ATP8B4: variants seen among roughly 807,000 people sequenced by gnomAD.
ATP8B4 encodes the protein probable phospholipid-transporting ATPase IM.
A neutral mutation model predicts 145.6 loss-of-function variants in ATP8B4; 133 were observed. That is an observed-to-expected ratio of 0.91 (90% CI 0.79 to 1.05). ATP8B4 has a LOEUF of 1.05. ATP8B4 is among the 50% of genes least tolerant of loss of function. The pLI is 0.00. For synonymous variants in ATP8B4, 507 were observed against 492.9 expected, an observed-to-expected ratio of 1.03 and a Z score of -0.38; for missense variants, 1,458 against 1,425.2, an observed-to-expected ratio of 1.02 and a Z score of -0.37.
intron 3 of ATP8B4, among the ~76,000 whole-genome samples, chr15:50,066,797 G>T (rs1396982212): frequency 2.6e-5 from 4 of 151,826 alleles, no homozygotes; most frequent in African/African-American, 9.7e-5. Flanking sequence ...TTTACAGTTT[G>T]TGGGGTTTTT....
intron 3 of ATP8B4, among the ~76,000 whole-genome samples, chr15:50,062,845 T>C (rs540956304): frequency 6.6e-6 from 1 of 152,288 alleles, no homozygotes; most frequent in Admixed American, 6.5e-5. Flanking sequence ...CTGCAAAGCA[T>C]TGCAAAGAAG....
chr15:49,987,346 G>A (rs748203900), intron 10 of ATP8B4, 45 bp downstream of exon 10: 3 of 1,590,768 alleles, frequency 1.9e-6, no homozygotes, highest in Non-Finnish European at 1.7e-6. Flanking sequence ...GGTGTACGTT[G>A]CAGGAAAGGT....
intron 23 of ATP8B4, among the ~76,000 whole-genome samples, chr15:49,888,683 T>C (rs537855673): frequency 1.3e-5 from 2 of 152,322 alleles, no homozygotes; most frequent in East Asian, 3.9e-4. Context: ...CCACAGTGGA[T>C]GCCACAAAAC....
intron 4 of ATP8B4, among the ~76,000 whole-genome samples, chr15:50,045,422 G>C (rs139179243): frequency 6.6e-6 from 1 of 152,120 alleles, no homozygotes; most frequent in African/African-American, 2.4e-5. Flanking sequence ...CCACATAAGA[G>C]AGACATAGTG....
At chr15:50,171,762 C>T (rs2044677674) in intron 1 of ATP8B4, among the ~76,000 whole-genome samples, 1 of 151,760 alleles carries the variant, frequency 6.6e-6, no homozygotes, top group African/African-American at 2.4e-5. Context: ...ACAAAGAATA[C>T]ATGAAACAAA....
chr15:50,124,416 A>G (rs2057293969), intron 1 of ATP8B4, among the ~76,000 whole-genome samples: 1 of 152,162 alleles, frequency 6.6e-6, no homozygotes, highest in Non-Finnish European at 1.5e-5. Context: ...TTTACTTATT[A>G]CTCAACTAAC....
At chr15:49,963,849 A>C (rs146326540) in intron 13 of ATP8B4, among the ~76,000 whole-genome samples, 105 of 152,216 alleles carry the variant, frequency 6.9e-4, no homozygotes, top group South Asian at 1.2e-3. Flanking sequence ...ACCATGGCAC[A>C]CGTTTACCTA....
At chr15:49,873,290 T>C (rs1043788677) in intron 25 of ATP8B4, among the ~76,000 whole-genome samples, 1 of 152,180 alleles carries the variant, frequency 6.6e-6, no homozygotes, top group African/African-American at 2.4e-5. Context: ...TTTAAGGAGA[T>C]AACCTTAGAA....
intron 3 of ATP8B4, among the ~76,000 whole-genome samples, chr15:50,052,949 T>A (rs2052304679): frequency 6.6e-6 from 1 of 152,196 alleles, no homozygotes. Context: ...TTGAGATTTT[T>A]ATTTTAAAAT....
chr15:49,924,168 C>G (rs2153458082), intron 16 of ATP8B4, among the ~76,000 whole-genome samples: 1 of 152,128 alleles, frequency 6.6e-6, no homozygotes, highest in Admixed American at 6.5e-5. Context: ...ACTGACAGCC[C>G]TTCCTAGGCT....
In ATP8B4 at chr15:49,897,272, A is replaced by C; in HGVS notation, c.2697+20T>G. On this transcript the variant is annotated intron_variant, in intron 23 of 27. Coordinates refer to ENST00000284509, the MANE Select transcript of ATP8B4 (RefSeq NM_024837.4). ...AAAACAAACAAACAAACAAACAAAA[A>C]AAAACATGCTTTTACCAACCTGGGC... The C allele has an allele frequency of 6.4e-7, 1 of 1,572,990 alleles. No individual in the cohort carries two copies. Among genetic ancestry groups the C allele is most frequent in the Non-Finnish European group, 8.7e-7 (1 of 1,149,166 alleles).
chr15:49,860,191 G>A lies in ATP8B4; in HGVS notation c.*3C>T, dbSNP rs755440734. ...TAACTACGTGGTTTAAATTCATATT[G>A]ACTCACAGTTTCACTGTTTTATCCT... On this transcript the variant is annotated 3_prime_UTR_variant, in exon 28 of 28. Coordinates refer to ENST00000284509, the MANE Select transcript of ATP8B4 (RefSeq NM_024837.4). The A allele has an allele frequency of 2.5e-6, 4 of 1,605,266 alleles. No individual in the cohort carries two copies. The highest frequency in any genetic ancestry group is 3.4e-6 in the Non-Finnish European group (4 of 1,175,760).
intron 7 of ATP8B4, among the ~76,000 whole-genome samples, chr15:50,005,052 TCACAAGTGGGCCAGGATA>T (rs1467202453): frequency 1.3e-5 from 2 of 152,082 alleles, no homozygotes; most frequent in Non-Finnish European, 2.9e-5. Flanking sequence ...ATATCCAAAC[TCACAAGTGGGCCAGGATA>T]TCATTAATTC....
chr15:50,067,197 C>A (rs1438515775), intron 3 of ATP8B4, among the ~76,000 whole-genome samples: 1 of 152,252 alleles, frequency 6.6e-6, no homozygotes, highest in African/African-American at 2.4e-5. Context: ...CCACCACACC[C>A]AACTTACGTT....
intron 7 of ATP8B4, among the ~76,000 whole-genome samples, chr15:50,007,399 G>T (rs2048386271): frequency 6.6e-6 from 1 of 152,196 alleles, no homozygotes; most frequent in African/African-American, 2.4e-5. Flanking sequence ...GTGGTTAGAA[G>T]TGGAGGCACT....
In ATP8B4 at chr15:49,897,360, A is replaced by G; in HGVS notation, c.2629T>C (p.Phe877Leu). The G allele has an allele frequency of 6.2e-7, 1 of 1,613,970 alleles. No individual in the cohort carries two copies. The highest frequency in any genetic ancestry group is 8.5e-7 in the Non-Finnish European group (1 of 1,179,906). ...FRMCKFLCYF[F>L]YKNFAFTLVH... ...AGTGTAAATGCAAAATTCTTATAGA[A>G]GAAATAGCATAAGAATTTGCACATT... Residue 877 changes from phenylalanine to leucine, a missense_variant, in exon 23 of 28, where the codon TTC (phenylalanine) becomes CTC (leucine). Phe to Leu is a conservative substitution (Grantham distance 22). Coordinates refer to ENST00000284509, the MANE Select transcript of ATP8B4 (RefSeq NM_024837.4).
intron 1 of ATP8B4, among the ~76,000 whole-genome samples, chr15:50,166,857 G>T (rs1240494174): frequency 1.3e-5 from 2 of 152,166 alleles, no homozygotes; most frequent in Non-Finnish European, 1.5e-5. Flanking sequence ...GGGGTTGGGG[G>T]TTGGAATGTT....
In ATP8B4 at chr15:50,137,537, T is replaced by C. The variant is rs190605029; in HGVS notation, c.-42-30529A>G. Among the ~76,000 whole-genome samples, 364 of 152,314 alleles carry C rather than the reference T, an allele frequency of 2.4e-3. 1 individual carries two copies. Among genetic ancestry groups the C allele is most frequent in the Non-Finnish European group, 2.3e-3 (155 of 68,026 alleles). On this transcript the variant is annotated intron_variant, in intron 1 of 3. Transcript: ENST00000558829. Reference sequence around the variant, plus strand: ...TACCAGCAGCATTTTGCTTCAGTTATTGGAAGTGTCTCAGAGTGAATGTGC... The same window carrying C: ...TACCAGCAGCATTTTGCTTCAGTTACTGGAAGTGTCTCAGAGTGAATGTGC...
intron 1 of ATP8B4, among the ~76,000 whole-genome samples, chr15:50,136,958 AGAAAT>A (rs2044131359): frequency 6.6e-6 from 1 of 152,222 alleles, no homozygotes; most frequent in Non-Finnish European, 1.5e-5. Flanking sequence ...ACTGGACAAA[AGAAAT>A]GAAAGTTCTT....
Sources: allele counts gnomAD v4.1 joint callset (sites outside exome capture counted in the v4.1 genomes callset), GRCh38; gene constraint gnomAD v4.1.1; transcripts MANE v1.5; gene names NCBI Gene and HGNC (gene_info 2026-07-23, HGNC 2026-07-21).